Variants in PTPRA observed in about 807,000 individuals in gnomAD.
PTPRA encodes the protein protein tyrosine phosphatase receptor type A.
Under a neutral mutation model 104.8 loss-of-function variants are expected in PTPRA, and 25 were observed. That is an observed-to-expected ratio of 0.24 (90% confidence interval 0.17 to 0.33). The LOEUF (loss-of-function observed/expected upper bound fraction) is 0.33. Ranked by LOEUF, PTPRA falls within the 10% of genes least tolerant of loss-of-function variation. The probability of loss-of-function intolerance (pLI) is 1.00; values close to 1 mark genes in which losing one functional copy is unlikely to be tolerated. For synonymous variants in PTPRA, 323 were observed against 368.9 expected, an observed-to-expected ratio of 0.88 and a Z score of 1.43; for missense variants, 765 against 1,015.3, an observed-to-expected ratio of 0.75 and a Z score of 3.35.
Position 3,028,762 on chromosome 20 carries a change from T to C in PTPRA, c.1920+921T>C, listed in dbSNP as rs189845858. 9.6e-4 allele frequency among the ~76,000 whole-genome samples: 146 copies of C among 152,050 alleles called. 1 individual carries two copies. Among genetic ancestry groups the C allele is most frequent in the African/African-American group, 3.4e-3 (140 of 41,470 alleles). On this transcript the variant is annotated intron_variant, in intron 20 of 23. Coordinates refer to ENST00000399903, the MANE Select transcript of PTPRA (RefSeq NM_001385305.1). ...ATTCCTTCTAAGCCACAGTGAAGAG[T>C]TTGGTCTTCCTAAAGCAATTGAAGA...
At chr20:2,942,092 G>A (rs557832400) in intron 2 of PTPRA, among the ~76,000 whole-genome samples, 4 of 152,218 alleles carry the variant, frequency 2.6e-5, no homozygotes, top group East Asian at 3.9e-4. Context: ...CTGAGTAAGC[G>A]GGTTATTTCC....
At chr20:2,878,032 T>C (rs1368939552) in intron 1 of PTPRA, among the ~76,000 whole-genome samples, 12 of 151,992 alleles carry the variant, frequency 7.9e-5, no homozygotes, top group Admixed American at 7.9e-4. Flanking sequence ...GTGCCTGTAA[T>C]CCCAGCTACT....
chr20:2,945,081 A>G (rs555047274), intron 2 of PTPRA, among the ~76,000 whole-genome samples: 1 of 152,008 alleles, frequency 6.6e-6, no homozygotes, highest in South Asian at 2.1e-4. Context: ...GCTTCATTCT[A>G]GATACTTCCT....
chr20:2,919,061 T>C (rs1298387691), intron 1 of PTPRA, among the ~76,000 whole-genome samples: 1 of 152,210 alleles, frequency 6.6e-6, no homozygotes, highest in East Asian at 1.9e-4. Context: ...CTGATCCTTG[T>C]TGAGCTGCTG....
intron 1 of PTPRA, among the ~76,000 whole-genome samples, chr20:2,921,644 TTTA>T (rs879441063): frequency 1.3e-5 from 2 of 152,096 alleles, no homozygotes; most frequent in Non-Finnish European, 2.9e-5. Flanking sequence ...TGAATGTTAA[TTTA>T]TGTGCCAGCT....
intron 2 of PTPRA, among the ~76,000 whole-genome samples, chr20:2,936,328 T>C (rs754024499): frequency 6.6e-6 from 1 of 152,114 alleles, no homozygotes; most frequent in South Asian, 2.1e-4. Flanking sequence ...GTTGGGTCTT[T>C]TCTTTTCTTT....
intron 1 of PTPRA, among the ~76,000 whole-genome samples, chr20:2,896,778 C>T (rs959202392): frequency 3.9e-5 from 6 of 152,198 alleles, no homozygotes; most frequent in Non-Finnish European, 5.9e-5. Flanking sequence ...ACAAAATTCC[C>T]TCAAGAAAAC....
chr20:2,909,059 A>C (rs2059529980), intron 1 of PTPRA, among the ~76,000 whole-genome samples: 1 of 152,198 alleles, frequency 6.6e-6, no homozygotes, highest in Non-Finnish European at 1.5e-5. Flanking sequence ...CCAATTATGG[A>C]TAACCAGAAC....
chr20:3,011,983 T>C (rs2064192306), intron 11 of PTPRA, among the ~76,000 whole-genome samples: 1 of 152,216 alleles, frequency 6.6e-6, no homozygotes, highest in Non-Finnish European at 1.5e-5. Context: ...ATGTTGCTCA[T>C]TTCTACCCCA....
chr20:2,905,597 T>C (rs886760781), intron 1 of PTPRA, among the ~76,000 whole-genome samples: 2 of 151,436 alleles, frequency 1.3e-5, no homozygotes, highest in African/African-American at 2.4e-5. Context: ...ATTGGATAAA[T>C]ACAAATCCCC....
In PTPRA at chr20:2,917,925, C is replaced by T. The variant is rs566876745; in HGVS notation, c.-128-5282C>T. ...CCAAGATTGTGAAACCCCGTTTCTA[C>T]TAAAAATACAAAACTTAGCTGGGCA... On this transcript the variant is annotated intron_variant, in intron 1 of 23. Coordinates refer to ENST00000399903, the MANE Select transcript of PTPRA (RefSeq NM_001385305.1). 2.2e-4 allele frequency among the ~76,000 whole-genome samples: 33 copies of T among 151,252 alleles called. 1 individual carries two copies. The highest frequency in any genetic ancestry group is 7.3e-4 in the African/African-American group (30 of 41,194).
chr20:2,929,967 GT>G (rs1420034207), intron 2 of PTPRA, among the ~76,000 whole-genome samples: 6 of 152,180 alleles, frequency 3.9e-5, no homozygotes, highest in African/African-American at 1.4e-4. Context: ...GAATGACCAG[GT>G]GAGGATACAG....
At chr20:2,947,586 G>A (rs998931250) in intron 2 of PTPRA, among the ~76,000 whole-genome samples, 1 of 152,164 alleles carries the variant, frequency 6.6e-6, no homozygotes, top group Non-Finnish European at 1.5e-5. Flanking sequence ...ATCACTGCCA[G>A]CGTCTCCACA....
chr20:2,980,865 A>G (rs2062644891), intron 6 of PTPRA, among the ~76,000 whole-genome samples: 1 of 152,170 alleles, frequency 6.6e-6, no homozygotes, highest in Admixed American at 6.5e-5. Context: ...TGTGCTCACA[A>G]TAGGTGTCCC....
At chr20:2,901,089 G>GA (rs1225512531) in intron 1 of PTPRA, among the ~76,000 whole-genome samples, 2 of 151,760 alleles carry the variant, frequency 1.3e-5, no homozygotes, top group Non-Finnish European at 2.9e-5. Context: ...TCCTGCCTCA[G>GA]CCTCCAGAGT....
At chr20:2,900,484 TC>T (rs1319067681) in intron 1 of PTPRA, among the ~76,000 whole-genome samples, 1 of 152,210 alleles carries the variant, frequency 6.6e-6, no homozygotes, top group South Asian at 2.1e-4. Context: ...TTCATAAATT[TC>T]CATTGCTGTG....
In PTPRA at chr20:2,988,365, G is replaced by T. The variant is rs1482426630; in HGVS notation, c.629G>T (p.Arg210Ile). 5.6e-6 allele frequency: 9 copies of T among 1,608,202 alleles called. No homozygotes were observed. Among genetic ancestry groups the T allele is most frequent in the South Asian group, 1.1e-5 (1 of 90,462 alleles). ...VEPQSVPLLARSPSTNRKYPP... is the reference protein window; with the variant it reads ...VEPQSVPLLAISPSTNRKYPP... ...CCCCAGAGTGTGCCACTTCTGGCCA[G>T]ATCCCCAAGCACCAACAGGAAATAC... is the stretch of plus-strand genomic sequence containing the variant. The change falls in exon 9 of 24, where the codon AGA (arginine) becomes ATA (isoleucine). Residue 210 changes from arginine (R) to isoleucine (I), a missense_variant. Around this residue, in one of 4 missense-constraint regions of PTPRA, gnomAD observed 245 missense variants for 398.7 expected, o/e 0.61. Transcript: ENST00000399903.
Position 3,038,363 on chromosome 20 carries a change from C to T in PTPRA, c.*230C>T, listed in dbSNP as rs772117527. ...AATAGTGTGATGTTTGGATTGATAT[C>T]GTGAAATCCTCAGCCGAGAAATTGG... On this transcript the variant is annotated 3_prime_UTR_variant, in exon 24 of 24. Coordinates refer to ENST00000399903, the MANE Select transcript of PTPRA (RefSeq NM_001385305.1). 1.1e-4 allele frequency: 47 copies of T among 431,670 alleles called. 1 individual carries two copies. Among genetic ancestry groups the T allele is most frequent in the South Asian group, 3.9e-4 (13 of 33,118 alleles). 26.7% of individuals were successfully genotyped at this position (431,670 alleles called of 1,614,324 possible). A position where few individuals can be genotyped will look rare whatever the true frequency, so the allele number is the denominator to read the frequency against.
At chr20:2,933,400 A>ATG (rs2060575407) in intron 2 of PTPRA, among the ~76,000 whole-genome samples, 1 of 150,584 alleles carries the variant, frequency 6.6e-6, no homozygotes, top group Non-Finnish European at 1.5e-5. Context: ...CATTTTGCAA[A>ATG]TGTTTTTTCT....
Sources: allele counts gnomAD v4.1 joint callset (sites outside exome capture counted in the v4.1 genomes callset), GRCh38; gene constraint gnomAD v4.1.1; regional missense constraint gnomAD v4.1.1; transcripts MANE v1.5; gene names NCBI Gene and HGNC (gene_info 2026-07-23, HGNC 2026-07-21).